DSCAM: variants seen among roughly 807,000 people sequenced by gnomAD.
DSCAM encodes DS cell adhesion molecule, also known as cell adhesion molecule DSCAM.
DSCAM carries 47 observed loss-of-function variants against 217.7 expected under a neutral mutation model. The ratio of observed to expected loss-of-function variants is 0.22; its 90% confidence interval spans 0.17 to 0.28. The LOEUF (loss-of-function observed/expected upper bound fraction) is 0.28. Among genes scored for constraint, DSCAM ranks in the 10% least tolerant of loss-of-function variants. The probability of loss-of-function intolerance (pLI) is 1.00; values close to 1 mark genes in which losing one functional copy is unlikely to be tolerated. For missense variants in DSCAM, 2,080 were observed against 2,618.3 expected (o/e 0.79, Z 4.49); for synonymous variants, 1,056 against 1,015.3 (o/e 1.04, Z -0.76).
chr21:40,461,536 C>A (rs1445754963), intron 3 of DSCAM, among the ~76,000 whole-genome samples: 1 of 152,074 alleles, frequency 6.6e-6, no homozygotes, highest in African/African-American at 2.4e-5. Flanking sequence ...AGCATTCCAG[C>A]TCTGGGGTCT....
chr21:40,792,097 C>T (rs1034382069), intron 1 of DSCAM, among the ~76,000 whole-genome samples: 1 of 150,844 alleles, frequency 6.6e-6, no homozygotes, highest in Non-Finnish European at 1.5e-5. Context: ...ACATGGCCAT[C>T]CCTCTTTGTG....
chr21:40,035,855 A>G (rs1392027395), intron 32 of DSCAM, among the ~76,000 whole-genome samples: 1 of 146,484 alleles, frequency 6.8e-6, no homozygotes, highest in Non-Finnish European at 1.5e-5. Context: ...CTCAGGATTA[A>G]GAATCTCACT....
At chr21:40,075,009 G>A (rs7275294) in intron 27 of DSCAM, 28 bp downstream of exon 27, 70,055 of 1,611,880 alleles carry the variant, frequency 0.043, 1,899 homozygotes, top group East Asian at 0.11. Flanking sequence ...GGGGACACGC[G>A]TAGGTGGACA....
intron 3 of DSCAM, among the ~76,000 whole-genome samples, chr21:40,420,846 C>G (rs2075417263): frequency 6.6e-6 from 1 of 152,144 alleles, no homozygotes; most frequent in Non-Finnish European, 1.5e-5. Context: ...AGGAATGGAA[C>G]AGATTCTCTC....
intron 8 of DSCAM, among the ~76,000 whole-genome samples, chr21:40,325,608 C>G (rs1232683298): frequency 2.0e-5 from 3 of 152,140 alleles, no homozygotes; most frequent in African/African-American, 7.2e-5. Flanking sequence ...GAAGAAGTAG[C>G]AGGAGTGATA....
intron 2 of DSCAM, among the ~76,000 whole-genome samples, chr21:40,693,900 C>G (rs62223017): frequency 0.053 from 8,068 of 152,160 alleles, 457 homozygotes; most frequent in African/African-American, 0.14. Flanking sequence ...AGGCCCAACT[C>G]CCTGGGTTCA....
At chr21:40,141,047 C>G (rs1190571499) in intron 18 of DSCAM, among the ~76,000 whole-genome samples, 2 of 149,484 alleles carry the variant, frequency 1.3e-5, no homozygotes, top group African/African-American at 5.1e-5. Flanking sequence ...GTTAGGGACA[C>G]AGTTAGGGAC....
At chr21:40,807,558 T>C (rs753376683) in intron 1 of DSCAM, among the ~76,000 whole-genome samples, 8 of 152,158 alleles carry the variant, frequency 5.3e-5, no homozygotes, top group Non-Finnish European at 1.0e-4. Flanking sequence ...TCCTGATCAG[T>C]GAGTGCAATA....
chr21:40,811,527 G>A (rs115739455), intron 1 of DSCAM, among the ~76,000 whole-genome samples: 235 of 152,270 alleles, frequency 1.5e-3, no homozygotes, highest in African/African-American at 5.1e-3. Flanking sequence ...ATCAATGGGC[G>A]CACGTGGAGT....
intron 10 of DSCAM, among the ~76,000 whole-genome samples, chr21:40,288,747 C>T (rs2073856620): frequency 6.6e-6 from 1 of 152,180 alleles, no homozygotes; most frequent in Non-Finnish European, 1.5e-5. Context: ...ATAGCTAATA[C>T]ATACTGACTA....
intron 9 of DSCAM, among the ~76,000 whole-genome samples, chr21:40,301,515 GCACT>G (rs1359539036): frequency 3.7e-5 from 5 of 133,652 alleles, no homozygotes; most frequent in Non-Finnish European, 6.1e-5. Flanking sequence ...TCTTAGCTTA[GCACT>G]CACTCAGTCA....
chr21:40,206,848 C>T (rs1454347372), intron 11 of DSCAM, among the ~76,000 whole-genome samples: 1 of 152,172 alleles, frequency 6.6e-6, no homozygotes, highest in Non-Finnish European at 1.5e-5. Context: ...CAGGTCAAGG[C>T]TGCAGTGAAC....
chr21:40,681,135 G>T (rs1184806770), intron 3 of DSCAM, among the ~76,000 whole-genome samples: 1 of 152,224 alleles, frequency 6.6e-6, no homozygotes, highest in Admixed American at 6.5e-5. Context: ...TGAGTCGTTT[G>T]TCCATTAACA....
chr21:40,029,332 A>G (rs76663731), intron 32 of DSCAM, among the ~76,000 whole-genome samples: 2,105 of 152,066 alleles, frequency 0.014, 22 homozygotes, highest in Non-Finnish European at 0.023. Context: ...TAGGGAAAGC[A>G]TCAGCCCCTT....
At chr21:40,739,728 G>A (rs1213036775) in intron 1 of DSCAM, among the ~76,000 whole-genome samples, 1 of 151,608 alleles carries the variant, frequency 6.6e-6, no homozygotes, top group Non-Finnish European at 1.5e-5. Flanking sequence ...CCATAACCCT[G>A]GGGATAAACT....
intron 10 of DSCAM, among the ~76,000 whole-genome samples, chr21:40,294,866 C>T (rs898959033): frequency 1.3e-5 from 2 of 152,166 alleles, no homozygotes; most frequent in African/African-American, 4.8e-5. Flanking sequence ...GTCCTTTGCA[C>T]ATGGACAGTG....
At chr21:40,117,118 C>T (rs560497532) in intron 20 of DSCAM, among the ~76,000 whole-genome samples, 1 of 150,800 alleles carries the variant, frequency 6.6e-6, no homozygotes, top group African/African-American at 2.4e-5. Context: ...CCAAATCCTT[C>T]TGGGATACAA....
At chr21:40,479,423 A>G (rs2075963600) in intron 3 of DSCAM, among the ~76,000 whole-genome samples, 1 of 152,134 alleles carries the variant, frequency 6.6e-6, no homozygotes, top group Non-Finnish European at 1.5e-5. Flanking sequence ...GTATTAGTCC[A>G]TTTTCATACT....
At chr21:40,410,576 T>G (rs1308887356) in intron 3 of DSCAM, among the ~76,000 whole-genome samples, 1 of 146,228 alleles carries the variant, frequency 6.8e-6, no homozygotes, top group East Asian at 2.0e-4. Flanking sequence ...AACACCGAGA[T>G]GCATCATTAT....
Sources: allele counts gnomAD v4.1 joint callset (sites outside exome capture counted in the v4.1 genomes callset), GRCh38; gene constraint gnomAD v4.1.1; transcripts MANE v1.5; gene names NCBI Gene and HGNC (gene_info 2026-07-23, HGNC 2026-07-21).